The following ARHGEF9 variants were observed in gnomAD, a reference collection of about 807,000 sequenced individuals.
ARHGEF9 encodes Cdc42 guanine nucleotide exchange factor 9, also known as rho guanine nucleotide exchange factor 9.
In ARHGEF9, 2 loss-of-function variants were observed where a neutral mutation model predicts 41.3. The observed-to-expected ratio is 0.05, with a 90% CI of 0.02 to 0.15. The LOEUF (loss-of-function observed/expected upper bound fraction) is 0.15. ARHGEF9 is among the 10% of genes least tolerant of loss of function. The probability of loss-of-function intolerance (pLI) is 1.00; values close to 1 mark genes in which losing one functional copy is unlikely to be tolerated. For missense variants in ARHGEF9, 225 were observed against 424.7 expected (o/e 0.53, Z 4.13); for synonymous variants, 160 against 154.4 (o/e 1.04, Z -0.27).
In ARHGEF9 at chrX:63,637,846, CTGTGTGTGTGTGTG is replaced by C. The variant is rs10542660; in HGVS notation, c.*168_*181del. 3.9e-5 allele frequency: 12 copies of C among 310,520 alleles called. No homozygotes were observed. The highest frequency in any genetic ancestry group is 3.4e-4 in the East Asian group (7 of 20,435). 25.6% of individuals were successfully genotyped at this position (310,520 alleles called of 1,213,427 possible). A position where few individuals can be genotyped will look rare whatever the true frequency, so the allele number is the denominator to read the frequency against. On this transcript the variant is annotated 3_prime_UTR_variant, in exon 10 of 10. Coordinates refer to ENST00000671741, the MANE Select transcript of ARHGEF9 (RefSeq NM_001353921.2). ...GAAAACACTTTTGTTCCTTATCTCT[CTGTGTGTGTGTGTG>C]TGTGTGTGTGTGTGTGTGTGTCTGT...
chrX:63,752,366 AAAAAC>A (rs1218935352), intron 1 of ARHGEF9, among the ~76,000 whole-genome samples: 2 of 111,173 alleles, frequency 1.8e-5, no homozygotes, highest in African/African-American at 6.6e-5. Flanking sequence ...GGAAAAAACA[AAAAAC>A]AAAACAAAAC....
At chrX:63,655,468 C>A (rs370096217) in intron 8 of ARHGEF9, 26 bp downstream of exon 8, 13 of 1,208,783 alleles carry the variant, frequency 1.1e-5, no homozygotes, top group Non-Finnish European at 1.5e-5. Context: ...TAGCCATGTT[C>A]TTCTTTCTAC....
intron 7 of ARHGEF9, chrX:63,657,373 G>A (rs2048939799): frequency 9.0e-6 from 1 of 111,376 alleles, no homozygotes; most frequent in African/African-American, 3.3e-5. Context: ...TTTTCAGTTG[G>A]GCTGGGAAAG....
At chrX:63,681,654 G>T (rs1556369611) in intron 4 of ARHGEF9, among the ~76,000 whole-genome samples, 1 of 110,439 alleles carries the variant, frequency 9.1e-6, no homozygotes, top group Admixed American at 9.6e-5. Flanking sequence ...TAAACAATCT[G>T]ATATTCCACC....
At chrX:63,655,448 A>G (rs781824011) in intron 8 of ARHGEF9, 46 bp downstream of exon 8, 13 of 1,208,045 alleles carry the variant, frequency 1.1e-5, no homozygotes, top group South Asian at 3.5e-5. Flanking sequence ...CAAACCTCCT[A>G]TGTTCTTCAT....
intron 6 of ARHGEF9, among the ~76,000 whole-genome samples, chrX:63,666,420 A>G (rs782214800): frequency 9.3e-5 from 8 of 86,388 alleles, no homozygotes; most frequent in African/African-American, 1.3e-4. Flanking sequence ...ATATATATAC[A>G]CACACACACA....
chrX:63,648,244 C>T (rs1158963627), intron 8 of ARHGEF9, among the ~76,000 whole-genome samples: 12 of 111,488 alleles, frequency 1.1e-4, no homozygotes, highest in South Asian at 3.8e-4. Flanking sequence ...AGACTAACAG[C>T]GGATCTCTCG....
At chrX:63,739,348 G>A (rs2054809878) in intron 1 of ARHGEF9, among the ~76,000 whole-genome samples, 2 of 111,870 alleles carry the variant, frequency 1.8e-5, no homozygotes, top group South Asian at 7.4e-4. Flanking sequence ...GACATGAGCT[G>A]CTGTAGGAGG....
At chrX:63,663,129 T>C (rs1396283240) in intron 7 of ARHGEF9, among the ~76,000 whole-genome samples, 1 of 111,834 alleles carries the variant, frequency 8.9e-6, no homozygotes, top group Non-Finnish European at 1.9e-5. Flanking sequence ...TCAGATCCTT[T>C]GGGCTTCAAT....
Position 63,638,220 on chromosome X carries a change from T to C in ARHGEF9, c.1391-11A>G, listed in dbSNP as rs1556301508. 1.7e-6 allele frequency: 2 copies of C among 1,171,066 alleles called. No individual in the cohort carries two copies. The highest frequency in any genetic ancestry group is 2.3e-6 in the Non-Finnish European group (2 of 873,026). ...GGGCAGAGTTGACACCTAGAGTAGA[T>C]GAGAGATCAAAGGGAAAGGGTATAA... On this transcript the variant is annotated splice_polypyrimidine_tract_variant and intron_variant, in intron 9 of 9. Transcript: ENST00000671741.
At chrX:63,713,582 G>A (rs1270105542) in intron 2 of ARHGEF9, among the ~76,000 whole-genome samples, 5 of 109,727 alleles carry the variant, frequency 4.6e-5, no homozygotes, top group Non-Finnish European at 9.5e-5. Context: ...AATAACAAAG[G>A]TCACCAAAAG....
At chrX:63,710,112 A>C (rs782819346) in intron 2 of ARHGEF9, among the ~76,000 whole-genome samples, 11 of 110,644 alleles carry the variant, frequency 9.9e-5, no homozygotes, top group Non-Finnish European at 1.9e-4. Flanking sequence ...AATAAGAATT[A>C]AAGGGAATAT....
chrX:63,750,126 T>C (rs2055527888), intron 1 of ARHGEF9, among the ~76,000 whole-genome samples: 1 of 112,179 alleles, frequency 8.9e-6, no homozygotes, highest in African/African-American at 3.2e-5. Flanking sequence ...GCAGTTATTT[T>C]GGGAGAAAAG....
At chrX:63,724,142 A>T (rs1556415387) in intron 2 of ARHGEF9, among the ~76,000 whole-genome samples, 1 of 109,914 alleles carries the variant, frequency 9.1e-6, no homozygotes, top group African/African-American at 3.4e-5. Flanking sequence ...AAGAAAGAAT[A>T]AAAAAAAGAT....
At chrX:63,662,597 GAA>G (rs2049289250) in intron 7 of ARHGEF9, among the ~76,000 whole-genome samples, 1 of 111,748 alleles carries the variant, frequency 8.9e-6, no homozygotes, top group Non-Finnish European at 1.9e-5. Context: ...CAGCGTATCT[GAA>G]TGTAATTCCT....
At chrX:63,763,155 C>T (rs1202983968) in intron 1 of ARHGEF9, among the ~76,000 whole-genome samples, 1 of 109,801 alleles carries the variant, frequency 9.1e-6, no homozygotes, top group Admixed American at 9.7e-5. Context: ...GATTTGGGGC[C>T]CCTAATCCCC....
intron 2 of ARHGEF9, among the ~76,000 whole-genome samples, chrX:63,710,908 T>C (rs1258875824): frequency 2.7e-5 from 3 of 110,774 alleles, no homozygotes; most frequent in Non-Finnish European, 5.7e-5. Context: ...ACAGATCATA[T>C]AACGTGATAT....
chrX:63,780,705 C>T (rs1411068900), intron 1 of ARHGEF9, among the ~76,000 whole-genome samples: 1 of 111,850 alleles, frequency 8.9e-6, no homozygotes, highest in Non-Finnish European at 1.9e-5. Flanking sequence ...ATATATGAAG[C>T]TTGAAATTAG....
At chrX:63,782,936 G>A (rs2056405017) in intron 1 of ARHGEF9, among the ~76,000 whole-genome samples, 1 of 112,755 alleles carries the variant, frequency 8.9e-6, no homozygotes, top group Non-Finnish European at 1.9e-5. Flanking sequence ...TCTCAGGCAA[G>A]AATAGAGTTT....
Sources: gnomAD v4.1 joint callset for allele counts (sites outside exome capture counted in the v4.1 genomes callset) on GRCh38, gnomAD v4.1.1 for gene constraint, MANE v1.5 for transcripts, NCBI Gene and HGNC (gene_info 2026-07-23, HGNC 2026-07-21) for gene names.